Variants in TMPRSS9 observed in about 807,000 individuals in gnomAD.
TMPRSS9 encodes the protein transmembrane serine protease 9, also known as transmembrane protease serine 9.
In TMPRSS9, 113 loss-of-function variants were observed where a neutral mutation model predicts 111.4. The ratio of observed to expected loss-of-function variants is 1.01; its 90% confidence interval spans 0.87 to 1.19. The LOEUF is 1.19. Ranked by LOEUF, TMPRSS9 falls within the 50% of genes most tolerant of loss-of-function variation. TMPRSS9 has a pLI of 0.00. For synonymous variants in TMPRSS9, 805 were observed against 659.1 expected (o/e 1.22, Z -3.39); for missense variants, 1,803 against 1,513.1 (o/e 1.19, Z -3.18).
chr19:2,380,206 C>T (rs888788578), intron 1 of TMPRSS9, among the ~76,000 whole-genome samples: 9 of 151,994 alleles, frequency 5.9e-5, no homozygotes, highest in African/African-American at 2.2e-4. Context: ...ATCATTTGAG[C>T]CCAAGAAATC....
At chr19:2,387,526 AAGGGAAGGGAAAG>A (rs1970502307), upstream of TMPRSS9, among the ~76,000 whole-genome samples, 1 of 133,158 alleles carries the variant, frequency 7.5e-6, no homozygotes, top group African/African-American at 3.9e-5. Flanking sequence ...AAAGGAAAGG[AAGGGAAGGGAAAG>A]GAAGGGAAGG....
chr19:2,416,094 C>A (rs1360053090), intron 11 of TMPRSS9: 3 of 447,654 alleles, frequency 6.7e-6, no homozygotes, highest in Non-Finnish European at 1.2e-5. Flanking sequence ...TTGGAGATTC[C>A]CAGGCATGGT....
intron 11 of TMPRSS9, chr19:2,416,269 G>C: frequency 1.9e-6 from 1 of 524,712 alleles, no homozygotes; most frequent in East Asian, 3.1e-5. Flanking sequence ...GCTGTAGGGG[G>C]TTGGGGGGGG....
At chr19:2,408,555 C>T (rs1203933641) in exon 8 of TMPRSS9, 2 of 1,613,518 alleles carry the variant, frequency 1.2e-6, no homozygotes, top group Non-Finnish European at 8.5e-7. Context: ...CGTGTGCCTC[C>T]CGGCTGCCAC....
intron 13 of TMPRSS9, among the ~76,000 whole-genome samples, 177 bp downstream of exon 14, chr19:2,418,315 C>CTT (rs1449420255): frequency 4.1e-3 from 150 of 36,612 alleles, no homozygotes; most frequent in African/African-American, 6.0e-3. Flanking sequence ...CTTTCCCTCC[C>CTT]TCCCTCCCTC....
At chr19:2,365,344 A>G (rs146396227) in intron 1 of TMPRSS9, among the ~76,000 whole-genome samples, 1,660 of 152,282 alleles carry the variant, frequency 0.011, 17 homozygotes, top group Middle Eastern at 0.027. Flanking sequence ...AATGAAAAAA[A>G]AAAGGAGACC....
chr19:2,413,597 G>C, intron 9 of TMPRSS9, 103 bp from the exon 11 acceptor site: 1 of 1,291,990 alleles, frequency 7.7e-7, no homozygotes, highest in South Asian at 1.4e-5. Context: ...TGTGGAGAGA[G>C]GTCCTGGCTG....
chr19:2,413,043 A>G (rs995771563), intron 9 of TMPRSS9, among the ~76,000 whole-genome samples: 1 of 151,936 alleles, frequency 6.6e-6, no homozygotes. Flanking sequence ...AAAATACAAG[A>G]AATTAGCCGG....
In TMPRSS9 at chr19:2,424,266, C is replaced by T. The variant is rs775905553; in HGVS notation, c.2717+9C>T. 43 of 1,354,744 alleles carry T rather than the reference C, an allele frequency of 3.2e-5. No homozygotes were observed. Among genetic ancestry groups the T allele is most frequent in the Non-Finnish European group, 4.0e-5 (42 of 1,042,926 alleles). The allele number at this position is 1,354,744 out of a possible 1,614,324, so 83.9% of individuals were successfully genotyped here. On this transcript the variant is annotated intron_variant, in intron 15 of 17. Coordinates refer to ENST00000648592, the Ensembl canonical transcript of TMPRSS9. ...GCGCACTGCTTCGACGTGTGAGTTC[C>T]AAACGCTCCAAATGCCCCTACATGT...
Position 2,415,743 on chromosome 19 carries a change from G to A in TMPRSS9, c.1647G>A (p.Val549=), listed in dbSNP as rs377690684. The A allele has an allele frequency of 5.5e-5, 88 of 1,610,314 alleles. No individual in the cohort carries two copies. The South Asian group carries it at 8.4e-4, about 15-fold the overall frequency. Residue 549 remains valine, a synonymous_variant, in exon 11 of 18, where the codon GTG becomes GTA. Coordinates refer to ENST00000648592, the Ensembl canonical transcript of TMPRSS9. ...GGTTCGGAGCTGCCTCCGGGGAGGT[G>A]CCCTGGCAGGTCAGCCTGAAGGAAG...
chr19:2,416,505 G>A (rs45492900), intron 11 of TMPRSS9, 33 bp from the exon 13 acceptor site: 18,248 of 1,584,782 alleles, frequency 0.012, 160 homozygotes, highest in Non-Finnish European at 0.014. Flanking sequence ...ATGTGCTGGA[G>A]GGCAGGCATG....
At position 2,391,776 on chromosome 19, in the gene TMPRSS9, C is replaced by T. The variant is rs538700347; in HGVS notation, c.142+1849C>T. On this transcript the variant is annotated intron_variant, in intron 1 of 17. Coordinates refer to ENST00000648592, the Ensembl canonical transcript of TMPRSS9. Reference sequence around the variant, plus strand: ...TTTTTGAGATGGAGTCTCACTCTGTCTCCCAGGCGCGACAGAGTGCAGTGG... The same window carrying T: ...TTTTTGAGATGGAGTCTCACTCTGTTTCCCAGGCGCGACAGAGTGCAGTGG... Among the ~76,000 whole-genome samples the T allele has an allele frequency of 2.8e-5, 4 of 141,222 alleles. No individual in the cohort carries two copies. In the South Asian group the frequency reaches 9.0e-4, roughly 32 times the overall value. The allele number at this position is 141,222 out of a possible 152,430, so 92.6% of individuals were successfully genotyped here. A position where few individuals can be genotyped will look rare whatever the true frequency, so the allele number is the denominator to read the frequency against.
chr19:2,417,237 G>C (rs1568188454), intron 12 of TMPRSS9, among the ~76,000 whole-genome samples: 1 of 152,140 alleles, frequency 6.6e-6, no homozygotes, highest in Non-Finnish European at 1.5e-5. Flanking sequence ...AGGCCCAGGA[G>C]GGTGGATCAT....
At chr19:2,394,372 G>A (rs896026272) in intron 1 of TMPRSS9, among the ~76,000 whole-genome samples, 2 of 152,056 alleles carry the variant, frequency 1.3e-5, no homozygotes, top group Admixed American at 6.6e-5. Context: ...GAACAATAGA[G>A]ACCTTGTCTC....
upstream of TMPRSS9, among the ~76,000 whole-genome samples, chr19:2,389,612 C>T (rs572559502): frequency 1.3e-5 from 2 of 152,240 alleles, no homozygotes; most frequent in Non-Finnish European, 2.9e-5. Context: ...AAATCGTCCT[C>T]CTGCCTCAGC....
chr19:2,404,649 G>T (rs1970930807), intron 6 of TMPRSS9, among the ~76,000 whole-genome samples: 1 of 151,996 alleles, frequency 6.6e-6, no homozygotes, highest in African/African-American at 2.4e-5. Context: ...ATCAAGACTA[G>T]GCCTGATGCC....
intron 2 of TMPRSS9, among the ~76,000 whole-genome samples, chr19:2,398,255 C>T (rs142384400): frequency 0.077 from 11,442 of 148,544 alleles, 1,466 homozygotes; most frequent in African/African-American, 0.27. Context: ...GAGATCGTGC[C>T]ACTGCACTCC....
At chr19:2,387,911 G>C (rs987546641), upstream of TMPRSS9, among the ~76,000 whole-genome samples, 1 of 152,154 alleles carries the variant, frequency 6.6e-6, no homozygotes, top group African/African-American at 2.4e-5. Context: ...GAGGGGCAGG[G>C]GAGGGAGGAA....
At chr19:2,413,949 A>G (rs1971161868) in exon 10 of TMPRSS9, 2 of 1,611,412 alleles carry the variant, frequency 1.2e-6, no homozygotes, top group Non-Finnish European at 1.7e-6. Flanking sequence ...TGTGGTCAGC[A>G]CCCCCACCAA....
Sources: allele counts gnomAD v4.1 joint callset (sites outside exome capture counted in the v4.1 genomes callset), GRCh38; gene constraint gnomAD v4.1.1; transcripts MANE v1.5; gene names NCBI Gene and HGNC (gene_info 2026-07-23, HGNC 2026-07-21).